Variants in NAALADL2 observed in about 807,000 individuals in gnomAD.
NAALADL2 encodes inactive N-acetylated-alpha-linked acidic dipeptidase-like protein 2.
A neutral mutation model predicts 87.2 loss-of-function variants in NAALADL2; 76 were observed. That is an observed-to-expected ratio of 0.87 (90% CI 0.72 to 1.05). NAALADL2 has a LOEUF of 1.05. Ranked by LOEUF, NAALADL2 falls within the 50% of genes least tolerant of loss-of-function variation. The probability of loss-of-function intolerance (pLI) is 0.00; values close to 1 mark genes in which losing one functional copy is unlikely to be tolerated. For synonymous variants in NAALADL2, 354 were observed against 331.0 expected (o/e 1.07, Z -0.75); for missense variants, 1,089 against 945.8 (o/e 1.15, Z -1.99).
chr3:174,589,572 A>G (rs1364055627), intron 2 of NAALADL2, among the ~76,000 whole-genome samples: 4 of 152,230 alleles, frequency 2.6e-5, no homozygotes, highest in African/African-American at 9.6e-5. Context: ...TTATGGTCAC[A>G]CCAACAGTGA....
chr3:175,566,851 ATGTT>A (rs1717224069), intron 9 of NAALADL2, among the ~76,000 whole-genome samples: 1 of 152,034 alleles, frequency 6.6e-6, no homozygotes, highest in Admixed American at 6.5e-5. Context: ...GTTTTCATTC[ATGTT>A]TGTTTATGGT....
At chr3:174,906,326 TA>T (rs1732952565) in intron 1 of NAALADL2, among the ~76,000 whole-genome samples, 1 of 152,110 alleles carries the variant, frequency 6.6e-6, no homozygotes, top group Non-Finnish European at 1.5e-5. Context: ...CTTGGTTACA[TA>T]CCCTTTGGAA....
chr3:174,523,085 G>C (rs1720432902), intron 1 of NAALADL2, among the ~76,000 whole-genome samples: 1 of 152,094 alleles, frequency 6.6e-6, no homozygotes, highest in Non-Finnish European at 1.5e-5. Flanking sequence ...AGGTCTGCTG[G>C]TACCTTGCTC....
chr3:175,791,477 A>T (rs1336564567), intron 13 of NAALADL2, among the ~76,000 whole-genome samples: 1 of 152,214 alleles, frequency 6.6e-6, no homozygotes, highest in Non-Finnish European at 1.5e-5. Flanking sequence ...CTGAAAGAAG[A>T]GAAACCAAGA....
At chr3:175,011,962 G>A (rs1358038360) in intron 1 of NAALADL2, among the ~76,000 whole-genome samples, 1 of 152,088 alleles carries the variant, frequency 6.6e-6, no homozygotes, top group Non-Finnish European at 1.5e-5. Flanking sequence ...CAGTCAATAA[G>A]AAGGTTATCA....
At chr3:174,474,162 A>G (rs1717074027) in intron 1 of NAALADL2, among the ~76,000 whole-genome samples, 1 of 152,166 alleles carries the variant, frequency 6.6e-6, no homozygotes, top group African/African-American at 2.4e-5. Context: ...ATAAAATAGC[A>G]TCTCATCTTT....
chr3:175,290,618 C>A (rs1755533932), intron 4 of NAALADL2, among the ~76,000 whole-genome samples: 1 of 152,098 alleles, frequency 6.6e-6, no homozygotes, highest in Admixed American at 6.5e-5. Flanking sequence ...ATATCTTAAC[C>A]CATTTGTGTC....
intron 1 of NAALADL2, among the ~76,000 whole-genome samples, chr3:174,542,249 T>C (rs1447059024): frequency 1.3e-5 from 2 of 152,150 alleles, no homozygotes; most frequent in African/African-American, 4.8e-5. Flanking sequence ...AAAGAAGTCC[T>C]ACTAATCTAC....
chr3:175,247,332 G>A (rs1224188672), intron 3 of NAALADL2, among the ~76,000 whole-genome samples: 2 of 151,914 alleles, frequency 1.3e-5, no homozygotes, highest in African/African-American at 4.8e-5. Context: ...TTTCATTATA[G>A]TTAGGCATTG....
intron 2 of NAALADL2, among the ~76,000 whole-genome samples, chr3:174,729,346 A>G (rs1168782777): frequency 1.3e-5 from 2 of 152,016 alleles, no homozygotes; most frequent in African/African-American, 4.8e-5. Context: ...ATCTCTCCTC[A>G]TTTTTCAAAT....
chr3:174,647,248 C>A (rs550329802), intron 2 of NAALADL2, among the ~76,000 whole-genome samples: 5 of 152,230 alleles, frequency 3.3e-5, no homozygotes, highest in African/African-American at 1.2e-4. Flanking sequence ...ATTACTTGCT[C>A]AAGGTTGCAT....
rs185209402 is a variant in NAALADL2, at chr3:175,616,285, A to C, written c.1801-11006A>C. ...CCATTTATATTTAATTATAAATATA[A>C]TAAATATGAATATAAATAAATGTTT... On this transcript the variant is annotated intron_variant, in intron 10 of 13. Coordinates refer to ENST00000454872, the MANE Select transcript of NAALADL2 (RefSeq NM_207015.3). Among the ~76,000 whole-genome samples, 501 of 138,070 alleles carry C rather than the reference A, an allele frequency of 3.6e-3. 3 individuals are homozygous for C. Among genetic ancestry groups the C allele is most frequent in the African/African-American group, 0.013 (482 of 35,808 alleles). 90.6% of individuals were successfully genotyped at this position (138,070 alleles called of 152,430 possible).
chr3:174,812,257 T>G (rs951072967), intron 3 of NAALADL2, among the ~76,000 whole-genome samples: 2 of 152,154 alleles, frequency 1.3e-5, no homozygotes, highest in African/African-American at 4.8e-5. Context: ...ATCTGACATT[T>G]TGGTCAATGA....
chr3:175,219,471 C>T (rs1400235027), intron 2 of NAALADL2, among the ~76,000 whole-genome samples: 2 of 152,026 alleles, frequency 1.3e-5, no homozygotes, highest in Non-Finnish European at 2.9e-5. Context: ...ATCTTGAACT[C>T]TATTGATTAC....
chr3:175,096,716 G>A (rs1359254661), intron 1 of NAALADL2, 74 bp from the exon 2 acceptor site: 1 of 997,636 alleles, frequency 1.0e-6, no homozygotes, highest in Admixed American at 3.2e-5. Context: ...ATGGCTTACT[G>A]TTTTGTTTTC....
At chr3:174,939,521 G>T (rs374825103) in intron 1 of NAALADL2, among the ~76,000 whole-genome samples, 8 of 151,210 alleles carry the variant, frequency 5.3e-5, no homozygotes, top group South Asian at 2.1e-4. Context: ...TTTTAAAATA[G>T]TTTTTTTTTC....
intron 2 of NAALADL2, among the ~76,000 whole-genome samples, chr3:175,208,821 A>G (rs1216651230): frequency 6.6e-6 from 1 of 152,172 alleles, no homozygotes; most frequent in East Asian, 1.9e-4. Context: ...AATAACCATG[A>G]ATCGTTTTTG....
At chr3:175,545,398 A>G (rs978567830) in intron 9 of NAALADL2, among the ~76,000 whole-genome samples, 6 of 152,130 alleles carry the variant, frequency 3.9e-5, no homozygotes, top group Non-Finnish European at 8.8e-5. Flanking sequence ...GACACCAATG[A>G]ATACCACCAC....
intron 1 of NAALADL2, among the ~76,000 whole-genome samples, chr3:174,979,529 T>C (rs1250252971): frequency 1.3e-5 from 2 of 151,898 alleles, no homozygotes; most frequent in Non-Finnish European, 2.9e-5. Flanking sequence ...ATGGTCTCCA[T>C]CTGCTGGCCT....
Sources: allele counts gnomAD v4.1 joint callset (sites outside exome capture counted in the v4.1 genomes callset), GRCh38; gene constraint gnomAD v4.1.1; transcripts MANE v1.5; gene names NCBI Gene and HGNC (gene_info 2026-07-23, HGNC 2026-07-21).